XDH: variants seen among roughly 807,000 people sequenced by gnomAD.
XDH encodes the protein xanthine dehydrogenase/oxidase.
In XDH, 138 loss-of-function variants were observed where a neutral mutation model predicts 156.1. The observed-to-expected ratio is 0.88, with a 90% confidence interval of 0.77 to 1.02. The LOEUF (loss-of-function observed/expected upper bound fraction) is 1.02. XDH is among the 50% of genes least tolerant of loss of function. XDH has a pLI of 0.00. For missense variants in XDH, 1,849 were observed against 1,684.9 expected, an observed-to-expected ratio of 1.10 and a Z score of -1.71; for synonymous variants, 669 against 625.7, an observed-to-expected ratio of 1.07 and a Z score of -1.03.
intron 4 of XDH, 92 bp downstream of exon 4, chr2:31,401,128 A>G (rs1687047527): frequency 2.1e-6 from 3 of 1,438,770 alleles, no homozygotes; most frequent in African/African-American, 1.4e-5. Context: ...ACTCTTCCCA[A>G]CAACCCAAAG....
At chr2:31,408,831 A>G (rs1022874248) in intron 1 of XDH, among the ~76,000 whole-genome samples, 1 of 152,126 alleles carries the variant, frequency 6.6e-6, no homozygotes, top group African/African-American at 2.4e-5. Flanking sequence ...AGATACCTGC[A>G]CTCCTATGTT....
chr2:31,389,406 A>G (rs1444630055), intron 6 of XDH, among the ~76,000 whole-genome samples: 1 of 151,974 alleles, frequency 6.6e-6, no homozygotes, highest in Non-Finnish European at 1.5e-5. Context: ...AGCACTGGAC[A>G]CCAGACCTGC....
At chr2:31,344,248 A>T (rs925879552) in intron 31 of XDH, among the ~76,000 whole-genome samples, 3 of 152,354 alleles carry the variant, frequency 2.0e-5, no homozygotes, top group African/African-American at 4.8e-5. Flanking sequence ...TCTATAAAAA[A>T]GTCCCACACA....
rs183572308 is a variant in XDH, at chr2:31,397,653, G to C, written c.495+15C>G. The C allele has an allele frequency of 6.2e-7, 1 of 1,614,116 alleles. No homozygotes were observed. Among genetic ancestry groups the C allele is most frequent in the Admixed American group, 1.7e-5 (1 of 60,030 alleles). ...TTAGAAGCAGAGACACTGATGTTCT[G>C]GGGTCCCCACTTACCCTGGCAAAGG... is the stretch of plus-strand genomic sequence containing the variant. On this transcript the variant is annotated intron_variant, in intron 6 of 35. Transcript: ENST00000379416.
chr2:31,371,199 AT>A (rs1686061683), intron 17 of XDH, among the ~76,000 whole-genome samples: 1 of 152,124 alleles, frequency 6.6e-6, no homozygotes, highest in African/African-American at 2.4e-5. Context: ...ACACTGGCAC[AT>A]GCCCCCATGG....
At chr2:31,412,350 T>C (rs936371072) in intron 1 of XDH, among the ~76,000 whole-genome samples, 3 of 152,028 alleles carry the variant, frequency 2.0e-5, no homozygotes, top group African/African-American at 7.2e-5. Flanking sequence ...TCCTGGACAG[T>C]GGTACAAAAC....
chr2:31,384,236 G>T, intron 9 of XDH: 1 of 278,632 alleles, frequency 3.6e-6, no homozygotes, highest in Non-Finnish European at 7.0e-6. Context: ...CTTAATTAAT[G>T]CTCACAACAA....
At chr2:31,397,549 C>T in intron 6 of XDH, 119 bp downstream of exon 6, 1 of 1,242,262 alleles carries the variant, frequency 8.0e-7, no homozygotes, top group Non-Finnish European at 1.2e-6. Context: ...GACTCACTAA[C>T]TGGTCATCTT....
At chr2:31,398,761 A>T (rs1686982187) in intron 4 of XDH, 62 bp from the exon 5 acceptor site, 1 of 1,607,136 alleles carries the variant, frequency 6.2e-7, no homozygotes, top group African/African-American at 1.3e-5. Flanking sequence ...TCCCCAAAGG[A>T]CTCGACTGGA....
intron 9 of XDH, chr2:31,384,428 A>T (rs1686529264): frequency 6.4e-6 from 1 of 155,568 alleles, no homozygotes; most frequent in Non-Finnish European, 1.4e-5. Context: ...AAAAAGGAAA[A>T]TGGGAGGGAA....
intron 30 of XDH, among the ~76,000 whole-genome samples, chr2:31,344,978 A>G (rs547354304): frequency 6.6e-6 from 1 of 152,288 alleles, no homozygotes; most frequent in African/African-American, 2.4e-5. Context: ...TTGTCTCCCC[A>G]GCCCAGCCAG....
At position 31,339,645 on chromosome 2, in the gene XDH, G is replaced by C; in HGVS notation, c.3618C>G (p.Leu1206=). The C allele has an allele frequency of 6.2e-7, 1 of 1,614,172 alleles. No homozygotes were observed. The highest frequency in any genetic ancestry group is 8.5e-7 in the Non-Finnish European group (1 of 1,180,040). Residue 1206 remains leucine (L), a synonymous_variant, in exon 34 of 36, where the codon CTC becomes CTG. Coordinates refer to ENST00000379416, the MANE Select transcript of XDH (RefSeq NM_000379.4). ...VEGAFVQGLG[L]FTLEELHYSP... is the part of the protein sequence containing the mutation. ...AATAGTGTAGCTCCTCTAGGGTGAA[G>C]AGGCCAAGGCCCTGGACAAATGCCC... is the stretch of plus-strand genomic sequence containing the variant.
intron 6 of XDH, 112 bp downstream of exon 6, chr2:31,397,556 T>A: frequency 7.6e-7 from 1 of 1,313,324 alleles, no homozygotes; most frequent in African/African-American, 1.4e-5. Flanking sequence ...TAACTGGTCA[T>A]CTTATCATCA....
chr2:31,386,576 A>T (rs753652265), intron 8 of XDH, 21 bp from the exon 9 acceptor site: 3 of 1,614,060 alleles, frequency 1.9e-6, no homozygotes, highest in Middle Eastern at 1.6e-4. Context: ...CAGTTTTCTT[A>T]CTACACTGTC....
chr2:31,412,796 G>C (rs1687377659), intron 1 of XDH, among the ~76,000 whole-genome samples: 1 of 152,158 alleles, frequency 6.6e-6, no homozygotes, highest in Non-Finnish European at 1.5e-5. Flanking sequence ...TGTTTTTACA[G>C]CATTGCTTTC....
In XDH at chr2:31,348,329, G is replaced by A; in HGVS notation, c.3086C>T (p.Ser1029Phe). Reference sequence around the variant, plus strand: ...AGTCCCCCCGTGGGTCAGCAGCACAGAGCCATCTGTGTACACATGAAGTAG... The same window carrying A: ...AGTCCCCCCGTGGGTCAGCAGCACAAAGCCATCTGTGTACACATGAAGTAG... ...GALLHVYTDG[S>F]VLLTHGGTEM... is the part of the protein sequence containing the mutation. The change falls in exon 28 of 36, where the codon TCT becomes TTT. Residue 1029 changes from serine to phenylalanine, a missense_variant. By Grantham distance (155) the Ser-to-Phe change is radical (BLOSUM62 -2). Transcript: ENST00000379416. 1 of 1,614,200 alleles carries A rather than the reference G, an allele frequency of 6.2e-7. No homozygotes were observed. Among genetic ancestry groups the A allele is most frequent in the Non-Finnish European group, 8.5e-7 (1 of 1,180,042 alleles).
chr2:31,353,396 C>G (rs1370336007), intron 24 of XDH, among the ~76,000 whole-genome samples: 1 of 152,166 alleles, frequency 6.6e-6, no homozygotes, highest in Non-Finnish European at 1.5e-5. Flanking sequence ...GAGACTTTCA[C>G]TTCCATACTT....
At chr2:31,366,828 G>C (rs751136072) in intron 21 of XDH, 42 bp downstream of exon 21, 3 of 1,612,918 alleles carry the variant, frequency 1.9e-6, no homozygotes, top group Non-Finnish European at 2.5e-6. Context: ...GGAGCTCCCC[G>C]CTACCCTGAC....
In XDH at chr2:31,350,064, C is replaced by T. The variant is rs1685422580; in HGVS notation, c.2791G>A (p.Val931Ile). The T allele has an allele frequency of 1.2e-6, 2 of 1,614,108 alleles. No individual in the cohort carries two copies. The highest frequency in any genetic ancestry group is 2.2e-5 in the South Asian group (2 of 91,092). ...MLIAECWMSE[V>I]AVTCGMPAEE... The stretch of plus-strand genomic sequence containing the variant: ...GCAGGCATCCCACAGGTCACTGCAA[C>T]TTCACTCATCCAGCACTCGGCAATG... The change falls in exon 25 of 36, where the codon GTT (valine) becomes ATT (isoleucine). Residue 931 changes from valine to isoleucine, a missense_variant. Transcript: ENST00000379416.
Sources: gnomAD v4.1 joint callset for allele counts (sites outside exome capture counted in the v4.1 genomes callset) on GRCh38, gnomAD v4.1.1 for gene constraint, MANE v1.5 for transcripts, NCBI Gene and HGNC (gene_info 2026-07-23, HGNC 2026-07-21) for gene names.